The following TTK variants were observed in gnomAD, a reference collection of about 807,000 sequenced individuals.
TTK encodes dual specificity protein kinase TTK.
TTK carries 59 observed loss-of-function variants against 117.3 expected under a neutral mutation model. The observed-to-expected ratio is 0.50, with a 90% CI of 0.41 to 0.62. TTK has a LOEUF of 0.62. Among genes scored for constraint, TTK ranks in the 20% least tolerant of loss-of-function variants. TTK has a pLI of 0.00. For synonymous variants in TTK, 302 were observed against 325.0 expected (o/e 0.93, Z 0.76); for missense variants, 921 against 989.4 (o/e 0.93, Z 0.93).
At position 80,042,333 on chromosome 6, in the gene TTK, G is replaced by T. The variant is rs1768073132; in HGVS notation, c.*131G>T. On this transcript the variant is annotated 3_prime_UTR_variant, in exon 22 of 22. Coordinates refer to ENST00000369798, the MANE Select transcript of TTK (RefSeq NM_003318.5). ...TGTTATCAGCAAAAAAAATTCAGTA[G>T]ATTATCTTTAAAAGAAAACTGTAAA... 1.1e-5 allele frequency: 7 copies of T among 616,032 alleles called. No individual in the cohort carries two copies. The highest frequency in any genetic ancestry group is 1.6e-5 in the Non-Finnish European group (6 of 375,964). 38.2% of individuals were successfully genotyped at this position (616,032 alleles called of 1,614,324 possible).
intron 21 of TTK, among the ~76,000 whole-genome samples, chr6:80,041,620 C>T (rs1032187467): frequency 2.8e-4 from 42 of 151,418 alleles, no homozygotes; most frequent in Admixed American, 1.2e-3. Context: ...TCCTTGAGGG[C>T]AAAGATGTCT....
At chr6:80,029,445 A>G (rs1346622751) in intron 13 of TTK, among the ~76,000 whole-genome samples, 1 of 152,222 alleles carries the variant, frequency 6.6e-6, no homozygotes, top group Non-Finnish European at 1.5e-5. Context: ...TTACAAAGGA[A>G]AAACAAAAAT....
rs3049166 is a variant in TTK, at chr6:80,008,929, C to CTGTGTGTGTGTGTGTGTGTGTG, written c.469+455_469+476dup. ...CTTGGTGGTCAAGTAAACTATATAT[C>CTGTGTGTGTGTGTGTGTGTGTG]TGTGTGTGTGTGTGTGTGTGTGTGT... On this transcript the variant is annotated intron_variant, in intron 4 of 21. Coordinates refer to ENST00000369798, the MANE Select transcript of TTK (RefSeq NM_003318.5). 1.2e-3 allele frequency among the ~76,000 whole-genome samples: 166 copies of CTGTGTGTGTGTGTGTGTGTGTG among 142,394 alleles called. 2 individuals are homozygous for CTGTGTGTGTGTGTGTGTGTGTG. Among genetic ancestry groups the CTGTGTGTGTGTGTGTGTGTGTG allele is most frequent in the Middle Eastern group, 3.5e-3 (1 of 282 alleles). 93.4% of individuals were successfully genotyped at this position (142,394 alleles called of 152,430 possible).
intron 4 of TTK, 70 bp downstream of exon 4, chr6:80,008,562 A>T: frequency 7.3e-7 from 1 of 1,363,006 alleles, no homozygotes; most frequent in Non-Finnish European, 1.0e-6. Context: ...CCTAATATTA[A>T]ATCATATATA....
In TTK at chr6:80,037,773, AT is replaced by A. The variant is rs971487908; in HGVS notation, c.2050-191del. The A allele has an allele frequency of 9.1e-5, 23 of 252,930 alleles. No individual in the cohort carries two copies. The Middle Eastern group carries it at 4.0e-3, about 44-fold the overall frequency. The allele number at this position is 252,930 out of a possible 1,614,324, so 15.7% of individuals were successfully genotyped here. On this transcript the variant is annotated intron_variant, in intron 17 of 21. Transcript: ENST00000369798. ...ATATATCTTAACGTTGTCAGCAGTT[AT>A]TTGAAATTTGCAAGGATATCATTGA... is the stretch of plus-strand genomic sequence containing the variant.
chr6:80,008,238 A>C (rs1767047873), intron 3 of TTK, 148 bp from the exon 4 acceptor site: 1 of 1,007,606 alleles, frequency 9.9e-7, no homozygotes, highest in Non-Finnish European at 1.4e-6. Context: ...CTGCCTAAAA[A>C]GATTTTTTTA....
rs10943682 is a variant in TTK, at chr6:80,030,470, G to C, written c.1522-997G>C. On this transcript the variant is annotated intron_variant, in intron 13 of 21. Coordinates refer to ENST00000369798, the MANE Select transcript of TTK (RefSeq NM_003318.5). The stretch of plus-strand genomic sequence containing the variant: ...TTCTTACACTGCTATAAAGAAAAGA[G>C]GTTTAATTGGCTAATGGTTCCACAG... Among the ~76,000 whole-genome samples, 3 of 152,082 alleles carry C rather than the reference G, an allele frequency of 2.0e-5. No individual in the cohort carries two copies. The South Asian group carries it at 6.2e-4, about 32-fold the overall frequency.
chr6:80,034,609 C>T (rs1038048349), intron 14 of TTK, among the ~76,000 whole-genome samples: 14 of 152,130 alleles, frequency 9.2e-5, no homozygotes, highest in African/African-American at 3.1e-4. Context: ...ATTAAAGGAG[C>T]AAACTACTGC....
intron 15 of TTK, 36 bp from the exon 16 acceptor site, chr6:80,035,229 AT>A: frequency 6.4e-7 from 1 of 1,557,410 alleles, no homozygotes. Flanking sequence ...TAACCTAGCC[AT>A]TTATTGTTTT....
At chr6:80,028,197 G>T (rs1767656759) in intron 13 of TTK, among the ~76,000 whole-genome samples, 186 bp downstream of exon 13, 1 of 151,950 alleles carries the variant, frequency 6.6e-6, no homozygotes, top group Non-Finnish European at 1.5e-5. Context: ...GGTTATTGAA[G>T]AAGCTTACGA....
chr6:80,029,137 G>T (rs773979296), intron 13 of TTK, among the ~76,000 whole-genome samples: 1 of 152,132 alleles, frequency 6.6e-6, no homozygotes. Flanking sequence ...AAAAAAATTA[G>T]CTGACAGAAT....
intron 17 of TTK, 152 bp downstream of exon 17, chr6:80,036,751 A>G (rs1767916718): frequency 2.3e-6 from 2 of 886,204 alleles, no homozygotes; most frequent in African/African-American, 3.5e-5. Flanking sequence ...AATATAAACC[A>G]TGATCATTGT....
At chr6:80,011,382 T>C in intron 5 of TTK, 52 bp from the exon 6 acceptor site, 1 of 1,257,188 alleles carries the variant, frequency 8.0e-7, no homozygotes, top group Non-Finnish European at 1.1e-6. Flanking sequence ...ATCACTTTTT[T>C]GTACTTGTCT....
In TTK at chr6:80,040,591, T is replaced by G; in HGVS notation, c.2393-15T>G. The G allele has an allele frequency of 6.2e-7, 1 of 1,607,020 alleles. No individual in the cohort carries two copies. Among genetic ancestry groups the G allele is most frequent in the Middle Eastern group, 1.7e-4 (1 of 6,008 alleles). ...TTTCTTACTGGTACTAGTGTATTAT[T>G]GATTTATTTTATAGTTAACCAAATG... On this transcript the variant is annotated splice_polypyrimidine_tract_variant and intron_variant, in intron 20 of 21. Transcript: ENST00000369798.
rs375558420 is a variant in TTK at position 80,011,545 on chromosome 6, A to G, written c.725A>G (p.Tyr242Cys). The G allele has an allele frequency of 1.4e-5, 23 of 1,595,478 alleles. No homozygotes were observed. The African/African-American group carries it at 3.1e-4, about 22-fold the overall frequency. ...CAGACTACTAAAGCCAGGTTTTTATATGGGTAAGGAAACGGAAACAGTTTT... is the reference window on the plus strand; with the variant it reads ...CAGACTACTAAAGCCAGGTTTTTATGTGGGTAAGGAAACGGAAACAGTTTT... ...RGQTTKARFL[Y>C]GENMPPQDAE... Residue 242 changes from tyrosine (Y) to cysteine (C), a missense_variant, in exon 6 of 22, where the codon TAT becomes TGT. Tyr to Cys is a radical substitution (Grantham distance 194). Transcript: ENST00000369798.
intron 9 of TTK, 176 bp downstream of exon 9, chr6:80,013,542 C>T (rs927313379): frequency 1.6e-5 from 8 of 487,966 alleles, no homozygotes; most frequent in Non-Finnish European, 2.5e-5. Context: ...AAGTCCTAGA[C>T]TATGTTTCTC....
At chr6:80,022,568 T>A in intron 11 of TTK, 96 bp downstream of exon 11, 1 of 1,288,300 alleles carries the variant, frequency 7.8e-7, no homozygotes, top group Non-Finnish European at 1.1e-6. Context: ...ATTAAATGTG[T>A]ATGATATTTA....
chr6:80,021,549 G>A (rs1484927595), intron 10 of TTK, among the ~76,000 whole-genome samples: 1 of 152,220 alleles, frequency 6.6e-6, no homozygotes, highest in Non-Finnish European at 1.5e-5. Context: ...AGCAGCTGGG[G>A]ACTGGCCAGG....
At chr6:80,017,121 A>G (rs1295477306) in intron 10 of TTK, among the ~76,000 whole-genome samples, 3 of 152,178 alleles carry the variant, frequency 2.0e-5, no homozygotes, top group Admixed American at 1.3e-4. Context: ...GTGTAAGATC[A>G]AGTGTCAGGG....
Sources: gnomAD v4.1 joint callset for allele counts (sites outside exome capture counted in the v4.1 genomes callset) on GRCh38, gnomAD v4.1.1 for gene constraint, MANE v1.5 for transcripts, NCBI Gene and HGNC (gene_info 2026-07-23, HGNC 2026-07-21) for gene names.